ZFHX3: variants seen among roughly 807,000 people sequenced by gnomAD.
ZFHX3 encodes zinc finger homeobox 3.
Under a neutral mutation model 279.1 loss-of-function variants are expected in ZFHX3, and 42 were observed. The ratio of observed to expected loss-of-function variants is 0.15; its 90% CI spans 0.12 to 0.19. The LOEUF (loss-of-function observed/expected upper bound fraction) is 0.19. ZFHX3 is among the 10% of genes least tolerant of loss of function. The pLI, the probability that ZFHX3 is intolerant of heterozygous loss-of-function variation, is 1.00. For synonymous variants in ZFHX3, 2,293 were observed against 1,957.8 expected, an observed-to-expected ratio of 1.17 and a Z score of -4.52; for missense variants, 4,981 against 4,754.0, an observed-to-expected ratio of 1.05 and a Z score of -1.40.
chr16:73,578,034 T>C lies in ZFHX3; in HGVS notation c.-1547+102146A>G, dbSNP rs1022119706. On this transcript the variant is annotated intron_variant, in intron 2 of 17. Transcript: ENST00000641206. The stretch of plus-strand genomic sequence containing the variant: ...CAAACTGGTTGTTGAACAATCAGCA[T>C]TGATCACTACGACAAACCAAATGGA... 1.6e-4 allele frequency among the ~76,000 whole-genome samples: 25 copies of C among 152,236 alleles called. 1 individual carries two copies. Among genetic ancestry groups the C allele is most frequent in the Non-Finnish European group, 3.4e-4 (23 of 68,042 alleles).
At chr16:73,274,103 C>T (rs958928859) in intron 4 of ZFHX3, among the ~76,000 whole-genome samples, 14 of 152,148 alleles carry the variant, frequency 9.2e-5, no homozygotes, top group African/African-American at 3.4e-4. Context: ...GAGATCACAC[C>T]ACTGCACTCC....
chr16:72,900,544 G>C (rs6499595), intron 3 of ZFHX3, among the ~76,000 whole-genome samples: 74,500 of 152,176 alleles, frequency 0.49, 20,546 homozygotes, highest in African/African-American at 0.76. Context: ...TTGAGACAGT[G>C]ATGGTCTTTC....
chr16:73,563,580 T>C (rs2143793944), intron 2 of ZFHX3, among the ~76,000 whole-genome samples: 1 of 152,258 alleles, frequency 6.6e-6, no homozygotes, highest in South Asian at 2.1e-4. Flanking sequence ...TAATCTACAG[T>C]ATTAGGGATG....
In ZFHX3 at chr16:72,788,217, C is replaced by T. The variant is rs780201365; in HGVS notation, c.10059G>A (p.Met3353Ile). ...GCAGTAGGGAGCCTGGGGACAGCCCCATCAGGGCCTGCGACAGTGCAGGGC... is the reference window on the plus strand; with the variant it reads ...GCAGTAGGGAGCCTGGGGACAGCCCTATCAGGGCCTGCGACAGTGCAGGGC... ...PYSPALSQAL[M>I]GLSPGSLLQQ... The change falls in exon 10 of 10, where the codon ATG becomes ATA. Residue 3353 changes from methionine to isoleucine, a missense_variant. Physicochemically the swap from Met to Ile is conservative, Grantham distance 10. Coordinates refer to ENST00000268489, the MANE Select transcript of ZFHX3 (RefSeq NM_006885.4). 1 of 1,613,486 alleles carries T rather than the reference C, an allele frequency of 6.2e-7. No homozygotes were observed. The highest frequency in any genetic ancestry group is 8.5e-7 in the Non-Finnish European group (1 of 1,179,588).
intron 2 of ZFHX3, among the ~76,000 whole-genome samples, chr16:73,488,930 A>C (rs1450946673): frequency 6.6e-6 from 1 of 152,194 alleles, no homozygotes; most frequent in Non-Finnish European, 1.5e-5. Context: ...TGTAAAATGG[A>C]ACTAATAATA....
intron 1 of ZFHX3, among the ~76,000 whole-genome samples, chr16:73,820,575 C>G (rs1960710379): frequency 6.6e-6 from 1 of 152,026 alleles, no homozygotes; most frequent in Non-Finnish European, 1.5e-5. Flanking sequence ...GTTACCCAGT[C>G]CAATCAAACC....
chr16:73,091,046 C>G (rs1448030938), intron 8 of ZFHX3, among the ~76,000 whole-genome samples: 1 of 151,726 alleles, frequency 6.6e-6, no homozygotes, highest in Admixed American at 6.6e-5. Flanking sequence ...CCCGTCTCTA[C>G]TAAAAATACA....
intron 2 of ZFHX3, among the ~76,000 whole-genome samples, chr16:73,514,802 C>T (rs1279882367): frequency 1.3e-5 from 2 of 152,170 alleles, no homozygotes; most frequent in East Asian, 3.9e-4. Context: ...GTGGGTGGGC[C>T]GCTGAGCTTG....
At chr16:72,893,401 C>A (rs1208049889) in intron 3 of ZFHX3, among the ~76,000 whole-genome samples, 1 of 152,158 alleles carries the variant, frequency 6.6e-6, no homozygotes, top group Admixed American at 6.5e-5. Context: ...AGTCTTCAAT[C>A]TCTGAGCCAC....
chr16:72,977,786 C>G (rs2144530374), intron 1 of ZFHX3, among the ~76,000 whole-genome samples: 1 of 152,238 alleles, frequency 6.6e-6, no homozygotes, highest in Admixed American at 6.5e-5. Flanking sequence ...CCATGCACCC[C>G]AGGGTGGAGG....
intron 7 of ZFHX3, among the ~76,000 whole-genome samples, chr16:73,121,045 G>C (rs1447747581): frequency 1.3e-5 from 2 of 152,104 alleles, no homozygotes; most frequent in African/African-American, 4.8e-5. Flanking sequence ...CGTGGCTATG[G>C]ATTACTTGAA....
chr16:72,890,496 GTT>G lies in ZFHX3; in HGVS notation c.3217-536_3217-535del, dbSNP rs113661748. Among the ~76,000 whole-genome samples the G allele has an allele frequency of 7.8e-3, 1,106 of 142,018 alleles. 11 individuals are homozygous for G. Among genetic ancestry groups the G allele is most frequent in the Admixed American group, 9.9e-3 (139 of 14,046 alleles). The allele number at this position is 142,018 out of a possible 152,430, so 93.2% of individuals were successfully genotyped here. ...CTTCAACTGTGAGATTCCTTAGAGG[GTT>G]TTTTTTTTTTTTTCCCCCAGAGTAC... On this transcript the variant is annotated intron_variant, in intron 3 of 9. Transcript: ENST00000268489.
chr16:73,793,813 A>T (rs1367980163), intron 1 of ZFHX3, among the ~76,000 whole-genome samples: 1 of 152,124 alleles, frequency 6.6e-6, no homozygotes, highest in Non-Finnish European at 1.5e-5. Flanking sequence ...CTCAGCAGAG[A>T]CGCTGGCATG....
intron 1 of ZFHX3, among the ~76,000 whole-genome samples, chr16:73,690,439 A>C (rs1331795089): frequency 6.6e-6 from 1 of 152,196 alleles, no homozygotes; most frequent in Non-Finnish European, 1.5e-5. Context: ...CACACTCCTC[A>C]AAAACTTTTC....
chr16:73,331,619 G>A (rs189375308), intron 3 of ZFHX3, among the ~76,000 whole-genome samples: 25 of 152,280 alleles, frequency 1.6e-4, no homozygotes, highest in Admixed American at 1.4e-3. Context: ...TAACTCATTC[G>A]CAGTGGTGAG....
intron 2 of ZFHX3, among the ~76,000 whole-genome samples, chr16:73,583,913 T>C (rs2051888571): frequency 8.6e-5 from 13 of 151,632 alleles, no homozygotes. Context: ...ATATAAGAAA[T>C]AATAAAAAGA....
chr16:73,884,044 C>T (rs1297191708), intron 1 of ZFHX3, among the ~76,000 whole-genome samples: 5 of 152,198 alleles, frequency 3.3e-5, no homozygotes, highest in South Asian at 4.1e-4. Context: ...AATACGTGAA[C>T]CACACATAGA....
intron 3 of ZFHX3, among the ~76,000 whole-genome samples, chr16:73,363,866 A>C (rs1400830972): frequency 6.6e-6 from 1 of 152,164 alleles, no homozygotes; most frequent in Non-Finnish European, 1.5e-5. Flanking sequence ...AATTAATTTC[A>C]TGTTAGAACT....
chr16:73,028,095 G>C (rs1964575762), intron 1 of ZFHX3, among the ~76,000 whole-genome samples: 1 of 152,066 alleles, frequency 6.6e-6, no homozygotes, highest in Admixed American at 6.6e-5. Context: ...GGCAGGATAG[G>C]ACACGGCCCC....
Sources: gnomAD v4.1 joint callset for allele counts (sites outside exome capture counted in the v4.1 genomes callset) on GRCh38, gnomAD v4.1.1 for gene constraint, MANE v1.5 for transcripts, NCBI Gene and HGNC (gene_info 2026-07-23, HGNC 2026-07-21) for gene names.